The following DDX49 variants were observed in gnomAD, a reference collection of about 807,000 sequenced individuals.
The protein encoded by DDX49 is probable ATP-dependent RNA helicase DDX49.
Under a neutral mutation model 56.3 loss-of-function variants are expected in DDX49, and 50 were observed. The observed-to-expected ratio is 0.89, with a 90% CI of 0.71 to 1.12. The LOEUF (loss-of-function observed/expected upper bound fraction) is 1.12. Ranked by LOEUF, DDX49 falls within the 50% of genes most tolerant of loss-of-function variation. The probability of loss-of-function intolerance (pLI) is 0.00; values close to 1 mark genes in which losing one functional copy is unlikely to be tolerated. For synonymous variants in DDX49, 269 were observed against 270.6 expected, an observed-to-expected ratio of 0.99 and a Z score of 0.06; for missense variants, 614 against 650.5, an observed-to-expected ratio of 0.94 and a Z score of 0.61.
At position 18,922,592 on chromosome 19, in the gene DDX49, G is replaced by C. The variant is rs201216034; in HGVS notation, c.636-12G>C. 2.2e-5 allele frequency: 35 copies of C among 1,608,258 alleles called. 1 individual carries two copies. In the East Asian group the frequency reaches 4.7e-4, roughly 22 times the overall value. ...GACACTGAGGCGTGGCGGTCTATCT[G>C]TCCATCCCCAGGGTGAGCACCGTGG... On this transcript the variant is annotated splice_polypyrimidine_tract_variant and intron_variant, in intron 5 of 12. Transcript: ENST00000247003.
rs1032318731 is a variant in DDX49 at position 18,922,070 on chromosome 19, G to T, written c.447+106G>T. The T allele has an allele frequency of 1.2e-5, 18 of 1,442,442 alleles. No individual in the cohort carries two copies. In the African/African-American group the frequency reaches 2.3e-4, roughly 18 times the overall value. The allele number at this position is 1,442,442 out of a possible 1,614,324, so 89.4% of individuals were successfully genotyped here. A position where few individuals can be genotyped will look rare whatever the true frequency, so the allele number is the denominator to read the frequency against. ...TCATCCATTTAGGAAACGTATGTCC[G>T]TTAGACTGTCCAGTAAAACGCTAGG... On this transcript the variant is annotated intron_variant, in intron 4 of 12. Transcript: ENST00000247003.
rs767657097 is a variant in DDX49 at position 18,921,955 on chromosome 19, C to T, written c.438C>T (p.Ile146=). 576 of 1,609,510 alleles carry T rather than the reference C, an allele frequency of 3.6e-4. 2 individuals are homozygous for T. The highest frequency in any genetic ancestry group is 4.4e-4 in the Non-Finnish European group (517 of 1,177,348). Residue 146 remains isoleucine, a synonymous_variant, in exon 4 of 13, where the codon ATC becomes ATT. Coordinates refer to ENST00000247003, the MANE Select transcript of DDX49 (RefSeq NM_019070.5). ...CCAACACTTTTAGTATAAAGAAGAT[C>T]CGCTTCCTGGTGAGTTCGCCCCGCC... ...RSSNTFSIKK[I]RFLVMDEADR...
At chr19:18,920,449 G>T in intron 1 of DDX49, 131 bp from the exon 2 acceptor site, 1 of 891,868 alleles carries the variant, frequency 1.1e-6, no homozygotes, top group Non-Finnish European at 1.7e-6. Context: ...GGAAGCTGTG[G>T]GCATCTCGGG....
rs757336578 is a variant in DDX49 at position 18,924,993 on chromosome 19, G to T, written c.1027+14G>T. Reference sequence around the variant, plus strand: ...CGGCCCGTGCAGGTGAGCAGTGGAGGGGGAGGCCGAGCCTTGGGCCTCTGT... The same window carrying T: ...CGGCCCGTGCAGGTGAGCAGTGGAGTGGGAGGCCGAGCCTTGGGCCTCTGT... On this transcript the variant is annotated intron_variant, in intron 9 of 12. Coordinates refer to ENST00000247003, the MANE Select transcript of DDX49 (RefSeq NM_019070.5). The T allele has an allele frequency of 6.8e-6, 11 of 1,607,476 alleles. No individual in the cohort carries two copies. The African/African-American group carries it at 1.5e-4, about 21-fold the overall frequency.
At chr19:18,920,909 G>A (rs957278565) in intron 2 of DDX49, 1 of 386,858 alleles carries the variant, frequency 2.6e-6, no homozygotes, top group Admixed American at 4.0e-5. Context: ...GGGAGCTCCA[G>A]GTGAGCGGAT....
intron 10 of DDX49, 24 bp downstream of exon 10, chr19:18,926,401 T>C: frequency 8.7e-7 from 1 of 1,146,990 alleles, no homozygotes; most frequent in Non-Finnish European, 1.1e-6. Context: ...GGGTGGGTGG[T>C]AGAGAAGGAG....
intron 12 of DDX49, 35 bp downstream of exon 12, chr19:18,928,071 C>T (rs1352530401): frequency 6.2e-7 from 1 of 1,613,270 alleles, no homozygotes; most frequent in South Asian, 1.1e-5. Context: ...GGGTGGGTGG[C>T]CAGGTTCCCT....
intron 4 of DDX49, 83 bp downstream of exon 4, chr19:18,922,047 A>C: frequency 1.8e-5 from 27 of 1,517,114 alleles, no homozygotes; most frequent in Non-Finnish European, 2.2e-5. Flanking sequence ...GCACCATCTC[A>C]TCCATTTAGG....
chr19:18,920,803 G>T, intron 2 of DDX49, 100 bp downstream of exon 2: 1 of 1,296,658 alleles, frequency 7.7e-7, no homozygotes, highest in South Asian at 1.6e-5. Context: ...CGTGTGAGAT[G>T]AGCATGAAAA....
At position 18,924,225 on chromosome 19, in the gene DDX49, C is replaced by T. The variant is rs776661274; in HGVS notation, c.777-8C>T. ...TGGAGGGGTTGACAGGCACATCCTTCCCGCCAGGACCTGCCAGATTCTGTG... is the reference window on the plus strand; with the variant it reads ...TGGAGGGGTTGACAGGCACATCCTTTCCGCCAGGACCTGCCAGATTCTGTG... On this transcript the variant is annotated splice_region_variant and splice_polypyrimidine_tract_variant and intron_variant, in intron 6 of 12. Coordinates refer to ENST00000247003, the MANE Select transcript of DDX49 (RefSeq NM_019070.5). The T allele has an allele frequency of 2.5e-6, 4 of 1,613,770 alleles. No homozygotes were observed. In the African/African-American group the frequency reaches 5.3e-5, roughly 22 times the overall value.
chr19:18,928,420 C>A lies in DDX49; in HGVS notation c.*104C>A, dbSNP rs2056983549. ...CCCTTCCCGGGGGCCTACCCAGTGC[C>A]CCACAGCAGAACCCGTGGGCGCTCG... is the stretch of plus-strand genomic sequence containing the variant. On this transcript the variant is annotated 3_prime_UTR_variant, in exon 13 of 13. Transcript: ENST00000247003. 8.4e-7 allele frequency: 1 copy of A among 1,188,292 alleles called. No homozygotes were observed. The highest frequency in any genetic ancestry group is 1.1e-6 in the Non-Finnish European group (1 of 874,632). 73.6% of individuals were successfully genotyped at this position (1,188,292 alleles called of 1,614,324 possible). A position where few individuals can be genotyped will look rare whatever the true frequency, so the allele number is the denominator to read the frequency against.
Position 18,921,881 on chromosome 19 carries a change from C to T in DDX49, c.364C>T (p.His122Tyr). The change falls in exon 4 of 13, where the codon CAC (histidine) becomes TAC (tyrosine). Residue 122 changes from histidine to tyrosine, a missense_variant. Coordinates refer to ENST00000247003, the MANE Select transcript of DDX49 (RefSeq NM_019070.5). ...AQALELSRKP[H>Y]VVIATPGRLA... ...GGCGCTGGAGCTCTCTCGGAAACCA[C>T]ACGTGGTCATCGCCACGCCGGGGCG... 2 of 1,614,026 alleles carry T rather than the reference C, an allele frequency of 1.2e-6. No individual in the cohort carries two copies. The highest frequency in any genetic ancestry group is 8.5e-7 in the Non-Finnish European group (1 of 1,180,028).
chr19:18,922,247 C>T (rs1258615345), intron 4 of DDX49, 79 bp from the exon 5 acceptor site: 16 of 1,515,368 alleles, frequency 1.1e-5, no homozygotes, highest in Non-Finnish European at 1.4e-5. Context: ...CCATGCCTCT[C>T]AAAGAGGCCT....
chr19:18,920,111 A>T (rs1453089638), intron 1 of DDX49, among the ~76,000 whole-genome samples: 1 of 152,228 alleles, frequency 6.6e-6, no homozygotes, highest in Non-Finnish European at 1.5e-5. Flanking sequence ...TTGATGGATG[A>T]CTAGTCCGAT....
At chr19:18,924,380 T>A in intron 7 of DDX49, 72 bp downstream of exon 7, 1 of 1,491,368 alleles carries the variant, frequency 6.7e-7, no homozygotes, top group South Asian at 1.1e-5. Context: ...GCCCCGATCC[T>A]TCCTTCTGCC....
Position 18,922,718 on chromosome 19 carries a change from C to T in DDX49, c.750C>T (p.Ser250=). The change falls in exon 6 of 13, where the codon TCC becomes TCT. Residue 250 remains serine (S), a synonymous_variant. Transcript: ENST00000247003. ...TCCAGGATGAGCACGAGGACTGGTC[C>T]ATTATCATCTTCACCAACACGTGCA... The part of the protein sequence containing the change: ...QRFQDEHEDW[S]IIIFTNTCKT... 2 of 1,613,766 alleles carry T rather than the reference C, an allele frequency of 1.2e-6. No homozygotes were observed. The highest frequency in any genetic ancestry group is 1.7e-6 in the Non-Finnish European group (2 of 1,179,932).
Position 18,920,615 on chromosome 19 carries a change from G to A in DDX49, c.151G>A (p.Gly51Arg), listed in dbSNP as rs760556288. The A allele has an allele frequency of 8.1e-6, 13 of 1,610,918 alleles. No individual in the cohort carries two copies. The highest frequency in any genetic ancestry group is 1.1e-5 in the Non-Finnish European group (13 of 1,177,352). The part of the protein sequence containing the change: ...DCLGCAKTGS[G>R]KTAAFVLPIL... ...CTTGGGCTGTGCTAAGACAGGCAGT[G>A]GGAAGACAGCAGCGTTTGTCCTTCC... Residue 51 changes from glycine (G) to arginine (R), a missense_variant, in exon 2 of 13, where the codon GGG becomes AGG. Transcript: ENST00000247003.
Position 18,921,613 on chromosome 19 carries a change from G to C in DDX49, c.240-50G>C. On this transcript the variant is annotated intron_variant, in intron 2 of 12. Transcript: ENST00000247003. ...CTGGGGATGGAGAGGGGAATGGGGG[G>C]CAGGTCCAGAACCACTACCTGACCC... The C allele has an allele frequency of 1.9e-6, 3 of 1,547,656 alleles. No homozygotes were observed. The African/African-American group carries it at 4.1e-5, about 21-fold the overall frequency.
chr19:18,920,650 G>A lies in DDX49; in HGVS notation c.186G>A (p.Gln62=). The change falls in exon 2 of 13, where the codon CAG becomes CAA. Residue 62 remains glutamine, a synonymous_variant. Coordinates refer to ENST00000247003, the MANE Select transcript of DDX49 (RefSeq NM_019070.5). ...CAGCGTTTGTCCTTCCCATCTTGCA[G>A]AAGCTGTCTGAGGATCCCTATGGCA... ...KTAAFVLPIL[Q]KLSEDPYGIF... 1 of 1,611,910 alleles carries A rather than the reference G, an allele frequency of 6.2e-7. No individual in the cohort carries two copies. The highest frequency in any genetic ancestry group is 8.5e-7 in the Non-Finnish European group (1 of 1,178,162).
Sources: allele counts gnomAD v4.1 joint callset (sites outside exome capture counted in the v4.1 genomes callset), GRCh38; gene constraint gnomAD v4.1.1; transcripts MANE v1.5; gene names NCBI Gene and HGNC (gene_info 2026-07-23, HGNC 2026-07-21).